The following TMEM123 variants were observed in gnomAD, a reference collection of about 807,000 sequenced individuals.
The protein encoded by TMEM123 is transmembrane protein 123, also known as porimin.
Under a neutral mutation model 19.7 loss-of-function variants are expected in TMEM123, and 16 were observed. That is an observed-to-expected ratio of 0.81 (90% CI 0.55 to 1.23). TMEM123 has a LOEUF of 1.23. TMEM123 is among the 50% of genes most tolerant of loss of function. The pLI, the probability that TMEM123 is intolerant of heterozygous loss-of-function variation, is 0.00. For missense variants in TMEM123, 313 were observed against 257.8 expected, an observed-to-expected ratio of 1.21 and a Z score of -1.47; for synonymous variants, 118 against 99.4, an observed-to-expected ratio of 1.19 and a Z score of -1.12.
chr11:102,440,079 T>C (rs1232658279), intron 2 of TMEM123, among the ~76,000 whole-genome samples: 2 of 152,318 alleles, frequency 1.3e-5, no homozygotes, highest in East Asian at 3.9e-4. Flanking sequence ...CTGATTGGTG[T>C]AACTGAAAGT....
intron 2 of TMEM123, among the ~76,000 whole-genome samples, chr11:102,402,702 C>T (rs932120558): frequency 6.6e-6 from 1 of 152,122 alleles, no homozygotes; most frequent in African/African-American, 2.4e-5. Flanking sequence ...ATGGGAAGTC[C>T]AAGTGAGTTA....
intron 2 of TMEM123, among the ~76,000 whole-genome samples, chr11:102,444,157 G>A (rs943599602): frequency 6.6e-6 from 1 of 152,158 alleles, no homozygotes; most frequent in Non-Finnish European, 1.5e-5. Context: ...CAAGGATCCA[G>A]AACTAGAAAC....
chr11:102,420,157 G>A (rs2135851880), intron 2 of TMEM123, among the ~76,000 whole-genome samples: 1 of 152,292 alleles, frequency 6.6e-6, no homozygotes, highest in Non-Finnish European at 1.5e-5. Flanking sequence ...CATCCAGCCT[G>A]CTCTCTGCCC....
At chr11:102,439,181 C>A (rs541149373) in intron 2 of TMEM123, among the ~76,000 whole-genome samples, 39 of 152,268 alleles carry the variant, frequency 2.6e-4, no homozygotes, top group African/African-American at 9.4e-4. Flanking sequence ...CATAGCTGAA[C>A]AAAGGGCAGT....
At chr11:102,431,100 C>A (rs1857698497) in intron 2 of TMEM123, among the ~76,000 whole-genome samples, 1 of 151,890 alleles carries the variant, frequency 6.6e-6, no homozygotes, top group Non-Finnish European at 1.5e-5. Flanking sequence ...AGGGTCAGTT[C>A]CCATTTTAGG....
At position 102,398,615 on chromosome 11, in the gene TMEM123, C is replaced by A; in HGVS notation, c.*252G>T. 1 of 498,866 alleles carries A rather than the reference C, an allele frequency of 2.0e-6. No individual in the cohort carries two copies. Among genetic ancestry groups the A allele is most frequent in the Non-Finnish European group, 3.4e-6 (1 of 290,032 alleles). 30.9% of individuals were successfully genotyped at this position (498,866 alleles called of 1,614,324 possible). ...CCCAGCCAAAAAAAAAAAGATAGGA[C>A]TTGTTTGTCTTACTATGAACTTGCT... On this transcript the variant is annotated 3_prime_UTR_variant, in exon 5 of 5. Transcript: ENST00000398136.
intron 2 of TMEM123, among the ~76,000 whole-genome samples, chr11:102,429,104 G>A (rs75622638): frequency 0.018 from 2,724 of 152,196 alleles, 31 homozygotes; most frequent in Non-Finnish European, 0.026. Flanking sequence ...AGTTAACACA[G>A]TCATTTTGAT....
At chr11:102,428,020 G>C (rs948154563) in intron 2 of TMEM123, among the ~76,000 whole-genome samples, 2 of 151,816 alleles carry the variant, frequency 1.3e-5, no homozygotes, top group African/African-American at 4.8e-5. Flanking sequence ...CTTGCTGGAA[G>C]GAAAAATGAG....
At chr11:102,408,657 G>A (rs1035746379) in intron 2 of TMEM123, among the ~76,000 whole-genome samples, 8 of 152,164 alleles carry the variant, frequency 5.3e-5, no homozygotes, top group African/African-American at 1.9e-4. Flanking sequence ...TTCATTAAAT[G>A]TAACTCCCCT....
At chr11:102,435,379 A>C (rs1857752210) in intron 2 of TMEM123, among the ~76,000 whole-genome samples, 2 of 151,992 alleles carry the variant, frequency 1.3e-5, no homozygotes, top group Admixed American at 1.3e-4. Flanking sequence ...AGGAAATGCA[A>C]ATCAAAAACA....
intron 1 of TMEM123, 40 bp downstream of exon 1, chr11:102,452,484 C>T (rs1857952854): frequency 1.4e-6 from 2 of 1,420,626 alleles, no homozygotes; most frequent in Non-Finnish European, 9.3e-7. Context: ...CAGCGCGCTG[C>T]CTCCCACGAA....
At chr11:102,451,808 T>G (rs907097473) in intron 1 of TMEM123, among the ~76,000 whole-genome samples, 1 of 152,230 alleles carries the variant, frequency 6.6e-6, no homozygotes, top group African/African-American at 2.4e-5. Context: ...ACGACCTTAC[T>G]AGCGACGACA....
At chr11:102,400,747 G>GT (rs1332450073) in intron 4 of TMEM123, among the ~76,000 whole-genome samples, 1 of 152,190 alleles carries the variant, frequency 6.6e-6, no homozygotes, top group Non-Finnish European at 1.5e-5. Flanking sequence ...TTTCTGCCAT[G>GT]TGAAGAAGGC....
intron 2 of TMEM123, among the ~76,000 whole-genome samples, chr11:102,427,743 C>T (rs1279128958): frequency 6.6e-6 from 1 of 150,746 alleles, no homozygotes; most frequent in Non-Finnish European, 1.5e-5. Context: ...GAGGCTGAGG[C>T]AGGAGAATCA....
chr11:102,436,891 T>G (rs1857768542), intron 2 of TMEM123, among the ~76,000 whole-genome samples: 1 of 152,246 alleles, frequency 6.6e-6, no homozygotes, highest in Non-Finnish European at 1.5e-5. Context: ...GAATTTAGAC[T>G]GAACCCACTG....
rs1270330254 is a variant in TMEM123, at chr11:102,401,564, T to C, written c.577A>G (p.Arg193Gly). ...LYIGCKMYYS[R>G]RGIRYRTIDE... ...ATGGTTCGATACCGAATGCCTCTTC[T>C]TGAGTAATACATTTTGCATCCAATG... The change falls in exon 4 of 5, where the codon AGA (arginine) becomes GGA (glycine). Residue 193 changes from arginine (R) to glycine (G), a missense_variant. Physicochemically the swap from Arg to Gly is moderately radical, Grantham distance 125. Transcript: ENST00000398136. 2.6e-5 allele frequency: 42 copies of C among 1,589,718 alleles called. No individual in the cohort carries two copies. Among genetic ancestry groups the C allele is most frequent in the African/African-American group, 4.1e-5 (3 of 73,306 alleles).
At chr11:102,402,255 T>A (rs1247393710) in intron 2 of TMEM123, 49 bp from the exon 3 acceptor site, 2 of 1,569,692 alleles carry the variant, frequency 1.3e-6, no homozygotes, top group African/African-American at 2.7e-5. Flanking sequence ...ATTTAGGGAA[T>A]AAGATCCCAT....
intron 2 of TMEM123, among the ~76,000 whole-genome samples, chr11:102,427,353 A>C (rs1432982689): frequency 6.6e-6 from 1 of 152,020 alleles, no homozygotes; most frequent in Non-Finnish European, 1.5e-5. Flanking sequence ...CTGCTGAAGT[A>C]GCACATGCCC....
chr11:102,416,057 G>T (rs1441826915), intron 2 of TMEM123, among the ~76,000 whole-genome samples: 1 of 152,090 alleles, frequency 6.6e-6, no homozygotes, highest in African/African-American at 2.4e-5. Context: ...TGGGACTACA[G>T]GTATGTGCCA....
Sources: allele counts gnomAD v4.1 joint callset (sites outside exome capture counted in the v4.1 genomes callset), GRCh38; gene constraint gnomAD v4.1.1; transcripts MANE v1.5; gene names NCBI Gene and HGNC (gene_info 2026-07-23, HGNC 2026-07-21).